Variants in SCCPDH observed in about 807,000 individuals in gnomAD.
The protein encoded by SCCPDH is saccharopine dehydrogenase (putative), also known as saccharopine dehydrogenase-like oxidoreductase.
A neutral mutation model predicts 51.5 loss-of-function variants in SCCPDH; 34 were observed. The observed-to-expected ratio is 0.66, with a 90% CI of 0.50 to 0.88. The LOEUF is 0.88. Among genes scored for constraint, SCCPDH ranks in the 40% least tolerant of loss-of-function variants. The pLI is 0.00. For synonymous variants in SCCPDH, 187 were observed against 191.3 expected, an observed-to-expected ratio of 0.98 and a Z score of 0.19; for missense variants, 464 against 527.1, an observed-to-expected ratio of 0.88 and a Z score of 1.17.
chr1:246,744,462 G>T (rs1668728368), intron 5 of SCCPDH, among the ~76,000 whole-genome samples: 2 of 152,108 alleles, frequency 1.3e-5, no homozygotes, highest in Non-Finnish European at 1.5e-5. Context: ...GGGATTACAG[G>T]CATGTACCAC....
At chr1:246,755,190 A>C (rs977838360) in intron 5 of SCCPDH, among the ~76,000 whole-genome samples, 1 of 152,244 alleles carries the variant, frequency 6.6e-6, no homozygotes, top group African/African-American at 2.4e-5. Context: ...TTAAAATATG[A>C]ATCCATTTTG....
intron 7 of SCCPDH, 145 bp downstream of exon 7, chr1:246,759,296 G>C: frequency 1.7e-6 from 1 of 597,368 alleles, no homozygotes; most frequent in South Asian, 2.1e-5. Context: ...AGAATCATTA[G>C]GGTAGAACAT....
chr1:246,766,077 C>G lies in SCCPDH; in HGVS notation c.1122C>G (p.Thr374=). 6.2e-7 allele frequency: 1 copy of G among 1,612,846 alleles called. No individual in the cohort carries two copies. The highest frequency in any genetic ancestry group is 1.7e-5 in the Admixed American group (1 of 59,830). ...CTGCAGAGGCTGGCTATGTGGCTAC[C>G]CCCATAGCTATGGTTCAGGCAGCCA... The part of the protein sequence containing the change: ...VKGPEAGYVA[T]PIAMVQAAMT... The change falls in exon 11 of 12, where the codon ACC becomes ACG. Residue 374 remains threonine, a synonymous_variant. Transcript: ENST00000366510.
At position 246,764,522 on chromosome 1, in the gene SCCPDH, G is replaced by C. The variant is rs557871825; in HGVS notation, c.1102+165G>C. Reference sequence around the variant, plus strand: ...CTGTCAAAGGAAGATTGAAATTATTGATATAATCCAATTTTATTAGTGCAT... The same window carrying C: ...CTGTCAAAGGAAGATTGAAATTATTCATATAATCCAATTTTATTAGTGCAT... On this transcript the variant is annotated intron_variant, in intron 10 of 11. Coordinates refer to ENST00000366510, the MANE Select transcript of SCCPDH (RefSeq NM_016002.3). Among the ~76,000 whole-genome samples, 27 of 152,296 alleles carry C rather than the reference G, an allele frequency of 1.8e-4. No homozygotes were observed. In the East Asian group the frequency reaches 3.3e-3, roughly 18 times the overall value.
chr1:246,758,549 C>T (rs751410394), intron 6 of SCCPDH, among the ~76,000 whole-genome samples, 193 bp downstream of exon 6: 8 of 151,966 alleles, frequency 5.3e-5, no homozygotes, highest in Non-Finnish European at 7.4e-5. Context: ...ATAATTAATC[C>T]ATTACCATAA....
chr1:246,758,226 G>T lies in SCCPDH; in HGVS notation c.565G>T (p.Gly189Trp). ...SFLTIHSGPEGLSIHDGTWKS... is the reference protein window; with the variant it reads ...SFLTIHSGPEWLSIHDGTWKS... ...TTTAACTCTTGAAATATTTTATTAG[G>T]GGTTGAGCATTCATGATGGTACCTG... The change falls in exon 6 of 12, where the codon GGG becomes TGG. Residue 189 changes from glycine (G) to tryptophan (W), a missense_variant and splice_region_variant. Physicochemically the swap from Gly to Trp is radical, Grantham distance 184. Transcript: ENST00000366510. The T allele has an allele frequency of 6.3e-7, 1 of 1,580,300 alleles. No homozygotes were observed. The highest frequency in any genetic ancestry group is 2.3e-5 in the East Asian group (1 of 43,614).
intron 2 of SCCPDH, 137 bp downstream of exon 2, chr1:246,727,141 G>T (rs1359895615): frequency 1.5e-6 from 1 of 667,954 alleles, no homozygotes; most frequent in East Asian, 2.7e-5. Flanking sequence ...TTTTCTTCTT[G>T]CGAGGAGCAG....
intron 5 of SCCPDH, among the ~76,000 whole-genome samples, chr1:246,757,811 G>T (rs1418161578): frequency 1.3e-5 from 2 of 152,086 alleles, no homozygotes; most frequent in Non-Finnish European, 2.9e-5. Flanking sequence ...TGTGCACACG[G>T]ACATATCCAG....
chr1:246,738,906 G>A lies in SCCPDH; in HGVS notation c.385-1266G>A, dbSNP rs12069692. 2.7e-3 allele frequency among the ~76,000 whole-genome samples: 417 copies of A among 152,334 alleles called. 10 individuals are homozygous for A. Among genetic ancestry groups the A allele is most frequent in the Admixed American group, 0.024 (369 of 15,298 alleles). ...ATGAGAAGAGACAAATCTTCTTTGT[G>A]GAAGAATTCCAAATGATTTATGTAG... is the stretch of plus-strand genomic sequence containing the variant. On this transcript the variant is annotated intron_variant, in intron 3 of 11. Coordinates refer to ENST00000366510, the MANE Select transcript of SCCPDH (RefSeq NM_016002.3).
Position 246,759,097 on chromosome 1 carries a change from G to A in SCCPDH, c.759G>A (p.Val253=), listed in dbSNP as rs765849400. Reference sequence around the variant, plus strand: ...CCATTCCTTTTATGGGATCTGATGTGTCTGTTGTAAGGAGGACTCAACGTT... The same window carrying A: ...CCATTCCTTTTATGGGATCTGATGTATCTGTTGTAAGGAGGACTCAACGTT... ...GYSIPFMGSD[V]SVVRRTQRYL... Residue 253 remains valine (V), a synonymous_variant, in exon 7 of 12, where the codon GTG becomes GTA. Coordinates refer to ENST00000366510, the MANE Select transcript of SCCPDH (RefSeq NM_016002.3). The A allele has an allele frequency of 1.9e-6, 3 of 1,612,626 alleles. No individual in the cohort carries two copies. Among genetic ancestry groups the A allele is most frequent in the Admixed American group, 3.3e-5 (2 of 60,022 alleles).
intron 10 of SCCPDH, among the ~76,000 whole-genome samples, chr1:246,765,574 A>G (rs1232128507): frequency 6.6e-6 from 1 of 152,204 alleles, no homozygotes; most frequent in Non-Finnish European, 1.5e-5. Context: ...TTTAAGAAAA[A>G]ATTGAGAGGA....
intron 2 of SCCPDH, among the ~76,000 whole-genome samples, chr1:246,733,905 A>AG (rs1208224904): frequency 6.6e-6 from 1 of 152,210 alleles, no homozygotes; most frequent in Non-Finnish European, 1.5e-5. Context: ...CAAAAAACAG[A>AG]GGGAAATCCT....
At chr1:246,739,062 T>C (rs917566197) in intron 3 of SCCPDH, among the ~76,000 whole-genome samples, 1 of 152,046 alleles carries the variant, frequency 6.6e-6, no homozygotes, top group Admixed American at 6.6e-5. Context: ...TGTGATTGTG[T>C]TCGTGTGTGT....
At chr1:246,760,782 G>T (rs1201190239) in intron 9 of SCCPDH, among the ~76,000 whole-genome samples, 1 of 152,170 alleles carries the variant, frequency 6.6e-6, no homozygotes, top group East Asian at 1.9e-4. Context: ...ACTCCTGGGG[G>T]AAATCCCACT....
intron 3 of SCCPDH, among the ~76,000 whole-genome samples, chr1:246,738,595 A>T (rs1055459213): frequency 6.6e-6 from 1 of 151,308 alleles, no homozygotes; most frequent in Non-Finnish European, 1.5e-5. Context: ...TGGGCAGGGG[A>T]TGTAATCCTA....
At chr1:246,727,141 G>A (rs1359895615) in intron 2 of SCCPDH, 137 bp downstream of exon 2, 1 of 667,836 alleles carries the variant, frequency 1.5e-6, no homozygotes, top group African/African-American at 1.8e-5. Context: ...TTTTCTTCTT[G>A]CGAGGAGCAG....
At chr1:246,744,000 ATT>A (rs1252348231) in intron 4 of SCCPDH, 74 bp from the exon 5 acceptor site, 4 of 843,282 alleles carry the variant, frequency 4.7e-6, no homozygotes, top group South Asian at 4.6e-5. Context: ...GTGAATACGC[ATT>A]GTTTATTATT....
intron 1 of SCCPDH, among the ~76,000 whole-genome samples, chr1:246,724,837 T>C (rs936795779): frequency 2.6e-5 from 4 of 152,220 alleles, no homozygotes; most frequent in Non-Finnish European, 5.9e-5. Flanking sequence ...CACACACATT[T>C]TTTTTTCTTT....
At position 246,726,896 on chromosome 1, in the gene SCCPDH, A is replaced by G; in HGVS notation, c.195A>G (p.Arg65=). The change falls in exon 2 of 12, where the codon AGA becomes AGG. Residue 65 remains arginine, a synonymous_variant. Transcript: ENST00000366510. The stretch of plus-strand genomic sequence containing the variant: ...TTCATTTGTTTCTTATTTTAGGAAG[A>G]CCAACACTGTCATCTGAAGTTGGAA... ...VLEKAALKLG[R]PTLSSEVGII... is the part of the protein sequence containing the mutation. 6.2e-7 allele frequency: 1 copy of G among 1,609,428 alleles called. No individual in the cohort carries two copies. The highest frequency in any genetic ancestry group is 8.5e-7 in the Non-Finnish European group (1 of 1,175,752).
Sources: gnomAD v4.1 joint callset for allele counts (sites outside exome capture counted in the v4.1 genomes callset) on GRCh38, gnomAD v4.1.1 for gene constraint, MANE v1.5 for transcripts, NCBI Gene and HGNC (gene_info 2026-07-23, HGNC 2026-07-21) for gene names.